Variants in CTNNA2 observed in about 807,000 individuals in gnomAD.
CTNNA2 encodes catenin alpha-2.
CTNNA2 carries 42 observed loss-of-function variants against 101.0 expected under a neutral mutation model. The ratio of observed to expected loss-of-function variants is 0.42; its 90% CI spans 0.32 to 0.54. The LOEUF (loss-of-function observed/expected upper bound fraction) is 0.54. Ranked by LOEUF, CTNNA2 falls within the 20% of genes least tolerant of loss-of-function variation. The probability of loss-of-function intolerance (pLI) is 0.14; values close to 1 mark genes in which losing one functional copy is unlikely to be tolerated. For synonymous variants in CTNNA2, 450 were observed against 456.4 expected (o/e 0.99, Z 0.18); for missense variants, 871 against 1,223.1 (o/e 0.71, Z 4.29).
At chr2:79,448,102 C>T (rs975276264) in intron 4 of CTNNA2, among the ~76,000 whole-genome samples, 3 of 151,928 alleles carry the variant, frequency 2.0e-5, no homozygotes, top group African/African-American at 7.2e-5. Flanking sequence ...AATTATGTTC[C>T]TAGATATATA....
chr2:79,573,464 C>A (rs1675591414), intron 1 of CTNNA2, among the ~76,000 whole-genome samples: 1 of 152,168 alleles, frequency 6.6e-6, no homozygotes, highest in South Asian at 2.1e-4. Flanking sequence ...CTGTAAGTTA[C>A]AATTTGACTC....
intron 15 of CTNNA2, 136 bp downstream of exon 15, chr2:80,589,621 T>C (rs1396488125): frequency 2.6e-6 from 2 of 760,792 alleles, no homozygotes; most frequent in Admixed American, 6.5e-5. Context: ...TTTACATGTA[T>C]AAGTCAAAAT....
chr2:79,414,622 G>A (rs1020655330), intron 4 of CTNNA2, among the ~76,000 whole-genome samples: 26 of 152,030 alleles, frequency 1.7e-4, no homozygotes, highest in Admixed American at 1.2e-3. Context: ...GCTTTGCAAC[G>A]TTTTTGCCAA....
At chr2:80,133,465 T>C (rs1702522366) in intron 7 of CTNNA2, among the ~76,000 whole-genome samples, 1 of 152,044 alleles carries the variant, frequency 6.6e-6, no homozygotes, top group African/African-American at 2.4e-5. Context: ...TGGAAATAGG[T>C]GAGGTGTTAC....
At chr2:80,475,772 A>G (rs1197686888) in intron 9 of CTNNA2, among the ~76,000 whole-genome samples, 3 of 152,192 alleles carry the variant, frequency 2.0e-5, no homozygotes, top group African/African-American at 7.2e-5. Context: ...GTATCATATA[A>G]GGCCTGTTGA....
At chr2:79,704,510 C>CTTTTTTTTT in intron 2 of CTNNA2, among the ~76,000 whole-genome samples, 1 of 127,568 alleles carries the variant, frequency 7.8e-6, no homozygotes, top group Non-Finnish European at 1.6e-5. Context: ...ACTTGTGCTT[C>CTTTTTTTTT]TTTTTTTTTT....
chr2:80,365,485 G>A (rs767195482), intron 7 of CTNNA2, among the ~76,000 whole-genome samples: 5 of 151,344 alleles, frequency 3.3e-5, no homozygotes, highest in Non-Finnish European at 5.9e-5. Context: ...TCATCAAAAT[G>A]AGCTGGCACA....
intron 7 of CTNNA2, among the ~76,000 whole-genome samples, chr2:80,246,181 T>G (rs1573501134): frequency 6.6e-6 from 1 of 152,122 alleles, no homozygotes; most frequent in Non-Finnish European, 1.5e-5. Flanking sequence ...TTTCCCACAT[T>G]TAGTGCCCAT....
At chr2:80,358,769 T>C (rs1255543866) in intron 7 of CTNNA2, among the ~76,000 whole-genome samples, 1 of 152,174 alleles carries the variant, frequency 6.6e-6, no homozygotes, top group Non-Finnish European at 1.5e-5. Context: ...GTCTAACCAG[T>C]TGCAAAGGAT....
chr2:79,345,944 C>T (rs1290605790), intron 3 of CTNNA2, among the ~76,000 whole-genome samples: 13 of 150,646 alleles, frequency 8.6e-5, no homozygotes, highest in Admixed American at 8.6e-4. Flanking sequence ...AGGCAATCTG[C>T]TCATCTCGGC....
intron 1 of CTNNA2, among the ~76,000 whole-genome samples, chr2:79,557,142 A>T (rs891435274): frequency 6.6e-6 from 1 of 152,042 alleles, no homozygotes; most frequent in Non-Finnish European, 1.5e-5. Context: ...GAAGTAGAAT[A>T]GGTCAGTTTT....
At chr2:79,243,019 C>CAT in intron 2 of CTNNA2, among the ~76,000 whole-genome samples, 1 of 142,820 alleles carries the variant, frequency 7.0e-6, no homozygotes, top group African/African-American at 2.5e-5. Context: ...CACACACACA[C>CAT]ACACACACAC....
chr2:80,619,034 T>TA, intron 17 of CTNNA2, 51 bp from the exon 18 acceptor site: 1 of 1,255,140 alleles, frequency 8.0e-7, no homozygotes, highest in Non-Finnish European at 1.0e-6. Context: ...TTTTTTTTTT[T>TA]TCTTTTGCTC....
chr2:79,648,890 T>C (rs1386730782), intron 1 of CTNNA2, among the ~76,000 whole-genome samples: 2 of 152,192 alleles, frequency 1.3e-5, no homozygotes, highest in African/African-American at 4.8e-5. Context: ...ATTTTTCCAC[T>C]TCAACAAATT....
chr2:79,270,087 A>G (rs183609507), intron 2 of CTNNA2, among the ~76,000 whole-genome samples: 1 of 151,994 alleles, frequency 6.6e-6, no homozygotes, highest in East Asian at 1.9e-4. Flanking sequence ...TCTTCTCACA[A>G]TCCAGAAGTT....
intron 7 of CTNNA2, among the ~76,000 whole-genome samples, chr2:80,085,157 G>A (rs72924654): frequency 0.094 from 14,232 of 152,090 alleles, 821 homozygotes; most frequent in South Asian, 0.3. Flanking sequence ...AAGTTTTGAT[G>A]CAGCAGATGC....
chr2:79,907,107 CAATA>C (rs1685476987), intron 6 of CTNNA2, among the ~76,000 whole-genome samples: 1 of 152,082 alleles, frequency 6.6e-6, no homozygotes, highest in African/African-American at 2.4e-5. Flanking sequence ...TCCTAAAGTA[CAATA>C]AATACCTGTT....
At chr2:80,056,829 T>A (rs1172483077) in intron 7 of CTNNA2, among the ~76,000 whole-genome samples, 2 of 152,180 alleles carry the variant, frequency 1.3e-5, no homozygotes, top group Admixed American at 1.3e-4. Flanking sequence ...CTGATGTGCA[T>A]GGTTGATCCT....
chr2:79,400,661 A>G (rs1347931293), intron 4 of CTNNA2, among the ~76,000 whole-genome samples: 1 of 151,986 alleles, frequency 6.6e-6, no homozygotes, highest in Non-Finnish European at 1.5e-5. Flanking sequence ...GTAGAACCTC[A>G]TCAGGCACAC....
Sources: gnomAD v4.1 joint callset for allele counts (sites outside exome capture counted in the v4.1 genomes callset) on GRCh38, gnomAD v4.1.1 for gene constraint, MANE v1.5 for transcripts, NCBI Gene and HGNC (gene_info 2026-07-23, HGNC 2026-07-21) for gene names.